The following PPM1F variants were observed in gnomAD, a reference collection of about 807,000 sequenced individuals.
The protein encoded by PPM1F is protein phosphatase, Mg2+/Mn2+ dependent 1F.
Under a neutral mutation model 35.5 loss-of-function variants are expected in PPM1F, and 17 were observed. That is an observed-to-expected ratio of 0.48 (90% CI 0.33 to 0.72). PPM1F has a LOEUF of 0.72. Ranked by LOEUF, PPM1F falls within the 30% of genes least tolerant of loss-of-function variation. The probability of loss-of-function intolerance (pLI) is 0.02; values close to 1 mark genes in which losing one functional copy is unlikely to be tolerated. For missense variants in PPM1F, 521 were observed against 613.0 expected, an observed-to-expected ratio of 0.85 and a Z score of 1.59; for synonymous variants, 241 against 255.5, an observed-to-expected ratio of 0.94 and a Z score of 0.54.
intron 3 of PPM1F, chr22:21,938,333 G>T: frequency 8.3e-7 from 1 of 1,204,368 alleles, no homozygotes. Flanking sequence ...CCGGAAGCCT[G>T]CTGGCTCGGC....
chr22:21,950,061 G>C (rs1160542531), intron 1 of PPM1F: 1 of 152,330 alleles, frequency 6.6e-6, no homozygotes, highest in Non-Finnish European at 1.5e-5. Context: ...CTTGCCCAAA[G>C]TCCCAGGGTG....
chr22:21,945,028 A>C (rs531084833), intron 2 of PPM1F: 2 of 152,424 alleles, frequency 1.3e-5, no homozygotes, highest in East Asian at 3.9e-4. Flanking sequence ...CAGCCTCTTC[A>C]TCTACCCACC....
Position 21,925,242 on chromosome 22 carries a change from C to T in PPM1F, c.985+327G>A, listed in dbSNP as rs921606546. 3.7e-5 allele frequency: 15 copies of T among 405,728 alleles called. 1 individual carries two copies. Among genetic ancestry groups the T allele is most frequent in the Middle Eastern group, 1.2e-3 (2 of 1,626 alleles). The allele number at this position is 405,728 out of a possible 1,614,324, so 25.1% of individuals were successfully genotyped here. On this transcript the variant is annotated intron_variant, in intron 7 of 7. Coordinates refer to ENST00000263212, the MANE Select transcript of PPM1F (RefSeq NM_014634.4). ...GAAAAAAGGATTGTCAGCATGAACG[C>T]GGGAGGAGGATAAACCTCATTTCCG...
At chr22:21,938,030 C>A in intron 3 of PPM1F, 1 of 1,159,736 alleles carries the variant, frequency 8.6e-7, no homozygotes, top group Non-Finnish European at 1.1e-6. Flanking sequence ...ACTTCCGTGA[C>A]AGGGAGAGCA....
chr22:21,945,989 T>C lies in PPM1F; in HGVS notation c.60A>G (p.Pro20=). 1 of 1,607,086 alleles carries C rather than the reference T, an allele frequency of 6.2e-7. No homozygotes were observed. Among genetic ancestry groups the C allele is most frequent in the Non-Finnish European group, 8.5e-7 (1 of 1,176,260 alleles). Reference sequence around the variant, plus strand: ...CTTGCAGGAGCGTGTCCAGGAAGCCTGGGGTCTCCTCAGCTCCACTGGCCA... The same window carrying C: ...CTTGCAGGAGCGTGTCCAGGAAGCCCGGGGTCTCCTCAGCTCCACTGGCCA... ...SPMASGAEET[P]GFLDTLLQDF... The change falls in exon 2 of 8, where the codon CCA becomes CCG. Residue 20 remains proline, a synonymous_variant. Coordinates refer to ENST00000263212, the MANE Select transcript of PPM1F (RefSeq NM_014634.4).
Position 21,933,636 on chromosome 22 carries a change from G to C in PPM1F, c.559-57C>G, listed in dbSNP as rs1006622574. The C allele has an allele frequency of 2.6e-5, 39 of 1,511,614 alleles. No homozygotes were observed. The Middle Eastern group carries it at 5.2e-4, about 20-fold the overall frequency. 93.6% of individuals were successfully genotyped at this position (1,511,614 alleles called of 1,614,324 possible). A position where few individuals can be genotyped will look rare whatever the true frequency, so the allele number is the denominator to read the frequency against. The stretch of plus-strand genomic sequence containing the variant: ...GCGGGACCCAGGGTGCTCCCAGTGG[G>C]GCGTGGCGCCAGGCACTGATGGGGT... On this transcript the variant is annotated intron_variant, in intron 4 of 7. Coordinates refer to ENST00000263212, the MANE Select transcript of PPM1F (RefSeq NM_014634.4).
chr22:21,933,225 C>T (rs943932351), intron 5 of PPM1F, among the ~76,000 whole-genome samples, 166 bp downstream of exon 5: 1 of 152,194 alleles, frequency 6.6e-6, no homozygotes, highest in African/African-American at 2.4e-5. Context: ...GTGCTGCTTC[C>T]GTTCAAGTGA....
chr22:21,928,635 T>C (rs1330356577), intron 6 of PPM1F, among the ~76,000 whole-genome samples: 2 of 152,048 alleles, frequency 1.3e-5, no homozygotes, highest in Non-Finnish European at 2.9e-5. Flanking sequence ...AAGGCTGGAG[T>C]GCAGTGTCAT....
rs2070738855 is a variant in PPM1F at position 21,942,750 on chromosome 22, TCCCAGGG to T, written c.207-3077_207-3071del. 2.0e-5 allele frequency: 3 copies of T among 152,498 alleles called. No homozygotes were observed. The East Asian group carries it at 5.8e-4, about 29-fold the overall frequency. 9.4% of individuals were successfully genotyped at this position (152,498 alleles called of 1,614,324 possible). On this transcript the variant is annotated intron_variant, in intron 2 of 7. Transcript: ENST00000263212. Reference sequence around the variant, plus strand: ...CTTCCTGGACACAGCTCCCGCCTCATCCCAGGGTCTGGCCTGGGACACGCCCTAGAGG... The same window carrying T: ...CTTCCTGGACACAGCTCCCGCCTCATTCTGGCCTGGGACACGCCCTAGAGG...
At position 21,923,277 on chromosome 22, in the gene PPM1F, C is replaced by G; in HGVS notation, c.1180G>C (p.Val394Leu). 1.2e-6 allele frequency: 2 copies of G among 1,613,530 alleles called. No individual in the cohort carries two copies. Among genetic ancestry groups the G allele is most frequent in the Non-Finnish European group, 1.7e-6 (2 of 1,179,954 alleles). The change falls in exon 8 of 8, where the codon GTG becomes CTG. Residue 394 changes from valine (V) to leucine (L), a missense_variant. This residue lies in a region of PPM1F where 163 missense variants were observed against 169.6 expected (regional missense o/e 0.96). Transcript: ENST00000263212. ...GAGCCCCGCTCCCGGGCCGCAGCCACCAGCTCCTCGGCGACACGGAGCCCG... is the reference window on the plus strand; with the variant it reads ...GAGCCCCGCTCCCGGGCCGCAGCCAGCAGCTCCTCGGCGACACGGAGCCCG... Reference protein sequence around the residue: ...GSGLRVAEELVAAARERGSHD... With the variant: ...GSGLRVAEELLAAARERGSHD...
Position 21,933,401 on chromosome 22 carries a change from G to A in PPM1F, c.737C>T (p.Ala246Val). ...GCGGCCAGTCCTCACCTCTCGCTTG[G>A]CTTTCCTGAGAAACATCTGGTCGGT... The part of the protein sequence containing the change: ...RRTDQMFLRK[A>V]KRERLQSGTT... The change falls in exon 5 of 8, where the codon GCC becomes GTC. Residue 246 changes from alanine (A) to valine (V), a missense_variant. Transcript: ENST00000263212. 6.2e-7 allele frequency: 1 copy of A among 1,608,334 alleles called. No homozygotes were observed. Among genetic ancestry groups the A allele is most frequent in the Non-Finnish European group, 8.5e-7 (1 of 1,177,784 alleles).
At position 21,931,234 on chromosome 22, in the gene PPM1F, C is replaced by T. The variant is rs779901052; in HGVS notation, c.805G>A (p.Val269Ile). 5.0e-5 allele frequency: 80 copies of T among 1,613,880 alleles called. No individual in the cohort carries two copies. Among genetic ancestry groups the T allele is most frequent in the Non-Finnish European group, 6.4e-5 (75 of 1,180,044 alleles). Reference protein sequence around the residue: ...CALIAGATLHVAWLGDSQVIL... With the variant: ...CALIAGATLHIAWLGDSQVIL... ...ACCTGGGAATCCCCGAGCCAGGCGACGTGCAGGGTCGCTCCTGCAATGAGC... is the reference window on the plus strand; with the variant it reads ...ACCTGGGAATCCCCGAGCCAGGCGATGTGCAGGGTCGCTCCTGCAATGAGC... The change falls in exon 6 of 8, where the codon GTC becomes ATC. Residue 269 changes from valine to isoleucine, a missense_variant. This residue lies in a region of PPM1F where 47 missense variants were observed against 92.0 expected (regional missense o/e 0.51). Coordinates refer to ENST00000263212, the MANE Select transcript of PPM1F (RefSeq NM_014634.4).
intron 6 of PPM1F, among the ~76,000 whole-genome samples, chr22:21,928,393 C>T (rs2070546344): frequency 6.6e-6 from 1 of 152,222 alleles, no homozygotes; most frequent in Non-Finnish European, 1.5e-5. Context: ...GTGACTCTCA[C>T]TGCCCTCCTG....
At chr22:21,927,933 TTTTGTTTTG>T (rs2070536224) in intron 6 of PPM1F, among the ~76,000 whole-genome samples, 2 of 137,054 alleles carry the variant, frequency 1.5e-5, no homozygotes, top group African/African-American at 3.0e-5. Context: ...TGATTCTGTT[TTTTGTTTTG>T]TTTTTTTTTT....
rs369233514 is a variant in PPM1F, at chr22:21,923,405, G to C, written c.1052C>G (p.Ser351Cys). ...ACAGGCAAGCAGCAGGTAGTCCTCG[G>C]AGCCCGTCAGCGCCCGGGAAGCTGC... ...ADAASRALTG[S>C]EDYLLLACDG... Residue 351 changes from serine (S) to cysteine (C), a missense_variant, in exon 8 of 8, where the codon TCC (serine) becomes TGC (cysteine). Physicochemically the swap from Ser to Cys is moderately radical, Grantham distance 112. This residue lies in a region of PPM1F where 163 missense variants were observed against 169.6 expected (regional missense o/e 0.96). Transcript: ENST00000263212. 2.0e-5 allele frequency: 33 copies of C among 1,613,774 alleles called. No individual in the cohort carries two copies. The highest frequency in any genetic ancestry group is 2.7e-5 in the Non-Finnish European group (32 of 1,179,968).
chr22:21,938,579 C>A (rs1458529579), intron 3 of PPM1F: 11 of 1,022,764 alleles, frequency 1.1e-5, no homozygotes, highest in African/African-American at 1.0e-4. Context: ...TTTAGAACAA[C>A]AGGGAAAGGA....
chr22:21,931,635 C>T (rs2070591982), intron 5 of PPM1F, among the ~76,000 whole-genome samples: 1 of 152,120 alleles, frequency 6.6e-6, no homozygotes, highest in Non-Finnish European at 1.5e-5. Flanking sequence ...GCCTCAGCCT[C>T]CCAAGTAGCT....
intron 6 of PPM1F, chr22:21,925,968 C>G (rs746600035): frequency 3.0e-6 from 1 of 331,102 alleles, no homozygotes; most frequent in Non-Finnish European, 5.5e-6. Flanking sequence ...ACGAGGCTTG[C>G]GAGCCCGACA....
intron 7 of PPM1F, chr22:21,925,240 C>T (rs11089817): frequency 0.015 from 5,902 of 405,250 alleles, 270 homozygotes; most frequent in African/African-American, 0.1. Context: ...TCAGCATGAA[C>T]GCGGGAGGAG....
Sources: allele counts gnomAD v4.1 joint callset (sites outside exome capture counted in the v4.1 genomes callset), GRCh38; gene constraint gnomAD v4.1.1; regional missense constraint gnomAD v4.1.1; transcripts MANE v1.5; gene names NCBI Gene and HGNC (gene_info 2026-07-23, HGNC 2026-07-21).